MYO15B: variants seen among roughly 807,000 people sequenced by gnomAD.
The protein encoded by MYO15B is myosin XVB pseudogene.
Under a neutral mutation model 119.3 loss-of-function variants are expected in MYO15B, and 207 were observed. That is an observed-to-expected ratio of 1.73 (90% confidence interval 1.55 to 1.95). The LOEUF (loss-of-function observed/expected upper bound fraction) is 1.95, where lower values mean the gene tolerates loss of function less well. Ranked by LOEUF, MYO15B falls within the 30% of genes most tolerant of loss-of-function variation. MYO15B has a pLI of 0.00. For missense variants in MYO15B, 2,264 were observed against 1,203.1 expected, an observed-to-expected ratio of 1.88 and a Z score of -13.04; for synonymous variants, 966 against 498.9, an observed-to-expected ratio of 1.94 and a Z score of -12.48.
At chr17:75,588,881 C>A (rs1321223181) in exon 1 of MYO15B, 9 of 398,344 alleles carry the variant, frequency 2.3e-5, no homozygotes, top group Non-Finnish European at 4.0e-5. Flanking sequence ...ACTGGGCCGG[C>A]CAAGGACGCG....
Position 75,624,528 on chromosome 17 carries a change from T to G in MYO15B, c.8446-15T>G, listed in dbSNP as rs1371123920. ...AGCCTCCCTCCCCCTCATCACAGTCTGTCCACATGCCCAGGTAGCAGCAGA... is the reference window on the plus strand; with the variant it reads ...AGCCTCCCTCCCCCTCATCACAGTCGGTCCACATGCCCAGGTAGCAGCAGA... On this transcript the variant is annotated splice_polypyrimidine_tract_variant and intron_variant, in intron 57 of 63. Coordinates refer to ENST00000645453, the Ensembl canonical transcript of MYO15B. 5.7e-6 allele frequency: 4 copies of G among 703,002 alleles called. No individual in the cohort carries two copies. The African/African-American group carries it at 7.0e-5, about 12-fold the overall frequency. The allele number at this position is 703,002 out of a possible 1,614,324, so 43.5% of individuals were successfully genotyped here. A position where few individuals can be genotyped will look rare whatever the true frequency, so the allele number is the denominator to read the frequency against.
chr17:75,612,882 A>T, exon 26 of MYO15B: 8 of 702,374 alleles, frequency 1.1e-5, no homozygotes, highest in Non-Finnish European at 2.1e-5. Context: ...TGCCCTGGAC[A>T]TCAACAAAGT....
rs1452942646 is a variant in MYO15B, at chr17:75,611,611, G to T, written c.4457G>T (p.Arg1486Leu). ...AGTCCCCTCTGCCAGGAGCTGGGGC[G>T]CTTGGAGATCCCGGCTGAGCTGGCC... Residue 1486 changes from arginine (R) to leucine (L), a missense_variant, in exon 24 of 64, where the codon CGC becomes CTC. By Grantham distance (102) the Arg-to-Leu change is moderately radical (BLOSUM62 -2). Transcript: ENST00000645453. The T allele has an allele frequency of 8.5e-6, 6 of 702,650 alleles. No individual in the cohort carries two copies. The Admixed American group carries it at 1.0e-4, about 12-fold the overall frequency. 43.5% of individuals were successfully genotyped at this position (702,650 alleles called of 1,614,324 possible).
intron 14 of MYO15B, among the ~76,000 whole-genome samples, chr17:75,597,547 T>G (rs1273845983): frequency 6.6e-6 from 1 of 152,206 alleles, no homozygotes; most frequent in Non-Finnish European, 1.5e-5. Context: ...GGAACTGTGC[T>G]AAGGATAAAA....
At chr17:75,620,513 C>A (rs780760203) in exon 49 of MYO15B, 1 of 702,822 alleles carries the variant, frequency 1.4e-6, no homozygotes, top group Non-Finnish European at 2.6e-6. Flanking sequence ...TCTTTCCTGC[C>A]GACATAGTGC....
chr17:75,620,532 G>A (rs956145364), exon 49 of MYO15B: 1 of 702,830 alleles, frequency 1.4e-6, no homozygotes, highest in Non-Finnish European at 2.6e-6. Flanking sequence ...GCAGCCGGCT[G>A]CCGCTCCCGA....
chr17:75,606,374 G>A (rs2057650763), intron 21 of MYO15B, among the ~76,000 whole-genome samples: 2 of 151,998 alleles, frequency 1.3e-5, no homozygotes, highest in African/African-American at 4.8e-5. Context: ...GAGTGCAGTG[G>A]CGCGATCTCA....
In MYO15B at chr17:75,621,051, C is replaced by T. The variant is rs890370927; in HGVS notation, c.7746C>T (p.Ser2582=). The stretch of plus-strand genomic sequence containing the variant: ...CCCAGCGCCCTGCCCACCCTTGGAG[C>T]CAGGCACACAGTGACGACTCGGAGG... Residue 2582 remains serine, a synonymous_variant, in exon 50 of 64, where the codon AGC becomes AGT. Coordinates refer to ENST00000645453, the Ensembl canonical transcript of MYO15B. 1.0e-5 allele frequency: 7 copies of T among 702,754 alleles called. No individual in the cohort carries two copies. In the Admixed American group the frequency reaches 1.0e-4, roughly 10 times the overall value. The allele number at this position is 702,754 out of a possible 1,614,324, so 43.5% of individuals were successfully genotyped here. A position where few individuals can be genotyped will look rare whatever the true frequency, so the allele number is the denominator to read the frequency against.
chr17:75,602,162 G>T, intron 15 of MYO15B: 1 of 361,814 alleles, frequency 2.8e-6, no homozygotes, highest in South Asian at 2.5e-5. Context: ...CTACCCAGGA[G>T]TTGCCCCCAA....
Position 75,592,408 on chromosome 17 carries a change from A to G in MYO15B, c.2716-20A>G, listed in dbSNP as rs2056531439. On this transcript the variant is annotated intron_variant, in intron 7 of 63. Transcript: ENST00000645453. ...TAAGCCCCTAGGGCACTGAGCCCCT[A>G]AGCCAGTCCTGTCCCCAAGGCCCAG... The G allele has an allele frequency of 3.1e-6, 2 of 653,058 alleles. No homozygotes were observed. Among genetic ancestry groups the G allele is most frequent in the Non-Finnish European group, 2.8e-6 (1 of 361,968 alleles). 40.5% of individuals were successfully genotyped at this position (653,058 alleles called of 1,614,324 possible).
In MYO15B at chr17:75,622,143, ATCC is replaced by A. The variant is rs1216314842; in HGVS notation, c.8082+64_8082+66del. The A allele has an allele frequency of 3.3e-5, 23 of 694,354 alleles. No homozygotes were observed. In the African/African-American group the frequency reaches 3.5e-4, roughly 11 times the overall value. 43.0% of individuals were successfully genotyped at this position (694,354 alleles called of 1,614,324 possible). ...GTCCTCCTGTCTGGGCCTGAAGGAGATCCCCTTCTCTTGGTCACTGTCCTTCAA... is the reference window on the plus strand; with the variant it reads ...GTCCTCCTGTCTGGGCCTGAAGGAGACCTTCTCTTGGTCACTGTCCTTCAA... On this transcript the variant is annotated intron_variant, in intron 53 of 63. Transcript: ENST00000645453.
rs1174196082 is a variant in MYO15B at position 75,616,376 on chromosome 17, A to G, written c.6174A>G (p.Glu2058=). The G allele has an allele frequency of 4.9e-6, 3 of 614,594 alleles. No individual in the cohort carries two copies. The South Asian group carries it at 5.8e-5, about 12-fold the overall frequency. The allele number at this position is 614,594 out of a possible 1,614,324, so 38.1% of individuals were successfully genotyped here. A position where few individuals can be genotyped will look rare whatever the true frequency, so the allele number is the denominator to read the frequency against. Residue 2058 remains glutamate (E), a synonymous_variant, in exon 38 of 64, where the codon GAA becomes GAG. Transcript: ENST00000645453. ...CCAAGGTCCACATCCCCCAGGGGGA[A>G]GCGCAGGAGGAGGAGGAGGAGGAGG...
chr17:75,596,924 C>A (rs776514340), intron 14 of MYO15B, 25 bp downstream of exon 14: 6 of 677,660 alleles, frequency 8.9e-6, no homozygotes, highest in South Asian at 1.6e-5. Context: ...GGTGACCCCC[C>A]ACCCAGTGTC....
intron 39 of MYO15B, 40 bp from the exon 40 acceptor site, chr17:75,616,834 T>G: frequency 1.4e-6 from 1 of 703,040 alleles, no homozygotes; most frequent in Non-Finnish European, 2.6e-6. Context: ...CCTCGGGGAA[T>G]CACCCTATGA....
At position 75,619,889 on chromosome 17, in the gene MYO15B, G is replaced by A. The variant is rs751672785; in HGVS notation, c.7312G>A (p.Val2438Met). Residue 2438 changes from valine (V) to methionine (M), a missense_variant, in exon 47 of 64, where the codon GTG becomes ATG. By Grantham distance (21) the Val-to-Met change is conservative (BLOSUM62 1). Transcript: ENST00000645453. ...CCGATCCCTGCGCAGCTTTGCGGAGGTGCTGGGTGTGGAGTGCCGGGGCGG... is the reference window on the plus strand; with the variant it reads ...CCGATCCCTGCGCAGCTTTGCGGAGATGCTGGGTGTGGAGTGCCGGGGCGG... 4.3e-6 allele frequency: 3 copies of A among 702,400 alleles called. No individual in the cohort carries two copies. In the South Asian group the frequency reaches 4.4e-5, roughly 10 times the overall value. 43.5% of individuals were successfully genotyped at this position (702,400 alleles called of 1,614,324 possible).
exon 1 of MYO15B, chr17:75,588,445 A>C: frequency 2.5e-6 from 1 of 398,500 alleles, no homozygotes; most frequent in Non-Finnish European, 4.4e-6. Flanking sequence ...GAGGAAGCGG[A>C]AAGATAAGGG....
At position 75,615,878 on chromosome 17, in the gene MYO15B, C is replaced by T. The variant is rs540679568; in HGVS notation, c.6024C>T (p.Cys2008=). 3.2e-4 allele frequency: 222 copies of T among 685,402 alleles called. 1 individual carries two copies. The African/African-American group carries it at 3.6e-3, about 11-fold the overall frequency. 42.5% of individuals were successfully genotyped at this position (685,402 alleles called of 1,614,324 possible). Residue 2008 remains cysteine, a synonymous_variant, in exon 36 of 64, where the codon TGC becomes TGT. Coordinates refer to ENST00000645453, the Ensembl canonical transcript of MYO15B. ...GTGACCTGGGATCAGAGGGTGGCTG[C>T]CTGAGGGTGAGGAGGTGACCATATT...
intron 15 of MYO15B, chr17:75,602,165 G>A: frequency 2.8e-6 from 1 of 361,590 alleles, no homozygotes; most frequent in Admixed American, 4.1e-5. Flanking sequence ...CCCAGGAGTT[G>A]CCCCCAAAAA....
chr17:75,624,252 G>A (rs868570174), exon 56 of MYO15B: 3 of 702,874 alleles, frequency 4.3e-6, no homozygotes, highest in Non-Finnish European at 7.8e-6. Flanking sequence ...CCCACCGGGT[G>A]AAATGAAGGC....
Sources: allele counts gnomAD v4.1 joint callset (sites outside exome capture counted in the v4.1 genomes callset), GRCh38; gene constraint gnomAD v4.1.1; transcripts MANE v1.5; gene names NCBI Gene and HGNC (gene_info 2026-07-23, HGNC 2026-07-21).